Variants in PARD3B observed in about 807,000 individuals in gnomAD.
The protein encoded by PARD3B is partitioning defective 3 homolog B.
PARD3B carries 103 observed loss-of-function variants against 130.2 expected under a neutral mutation model. That is an observed-to-expected ratio of 0.79 (90% CI 0.67 to 0.93). The LOEUF (loss-of-function observed/expected upper bound fraction) is 0.93, where lower values mean the gene tolerates loss of function less well. PARD3B is among the 40% of genes least tolerant of loss of function. The probability of loss-of-function intolerance (pLI) is 0.00; values close to 1 mark genes in which losing one functional copy is unlikely to be tolerated. For missense variants in PARD3B, 1,609 were observed against 1,499.2 expected (o/e 1.07, Z -1.21); for synonymous variants, 583 against 553.2 (o/e 1.05, Z -0.76).
At chr2:205,194,767 C>G (rs560412601) in intron 15 of PARD3B, among the ~76,000 whole-genome samples, 1 of 151,672 alleles carries the variant, frequency 6.6e-6, no homozygotes, top group Non-Finnish European at 1.5e-5. Context: ...TTTTTGTTTA[C>G]ATTTTAATTT....
At chr2:204,962,398 G>T (rs1690821475) in intron 2 of PARD3B, among the ~76,000 whole-genome samples, 2 of 152,194 alleles carry the variant, frequency 1.3e-5, no homozygotes, top group South Asian at 4.2e-4. Context: ...TTTACTCTAA[G>T]CGAAACCTTA....
intron 16 of PARD3B, among the ~76,000 whole-genome samples, chr2:205,296,813 C>T (rs1466160499): frequency 6.6e-6 from 1 of 151,068 alleles, no homozygotes; most frequent in African/African-American, 2.4e-5. Context: ...TATATAGGAC[C>T]ATGTCAAGCT....
intron 2 of PARD3B, among the ~76,000 whole-genome samples, chr2:204,835,646 C>A (rs564442627): frequency 9.8e-5 from 15 of 152,290 alleles, no homozygotes; most frequent in Non-Finnish European, 1.9e-4. Context: ...TGGTCCCCAA[C>A]TTAAAATGGT....
intron 15 of PARD3B, among the ~76,000 whole-genome samples, chr2:205,226,332 G>A (rs896106882): frequency 2.6e-5 from 4 of 152,146 alleles, no homozygotes; most frequent in Admixed American, 2.0e-4. Flanking sequence ...GAGCCACCAC[G>A]CCCGGCCAAA....
chr2:204,701,007 G>T (rs759776129), intron 2 of PARD3B, among the ~76,000 whole-genome samples: 4 of 151,778 alleles, frequency 2.6e-5, no homozygotes, highest in Non-Finnish European at 5.9e-5. Flanking sequence ...TAAAAGTTGG[G>T]CATATAAATT....
chr2:205,193,411 A>G (rs1165443956), intron 15 of PARD3B, 91 bp downstream of exon 15: 112 of 952,402 alleles, frequency 1.2e-4, no homozygotes, highest in Non-Finnish European at 5.0e-6. Context: ...TTCAACTCAA[A>G]CCTCAGGGAA....
At chr2:204,892,787 A>G (rs150554516) in intron 2 of PARD3B, among the ~76,000 whole-genome samples, 4 of 152,320 alleles carry the variant, frequency 2.6e-5, no homozygotes, top group Non-Finnish European at 4.4e-5. Flanking sequence ...TTTCTGTGCA[A>G]CTACAAGAAG....
At chr2:205,083,308 G>C (rs2125518135) in intron 4 of PARD3B, among the ~76,000 whole-genome samples, 1 of 148,242 alleles carries the variant, frequency 6.7e-6, no homozygotes, top group East Asian at 2.0e-4. Flanking sequence ...CATAACCTCA[G>C]TAGCATAAAA....
At chr2:204,867,489 C>T (rs776793556) in intron 2 of PARD3B, among the ~76,000 whole-genome samples, 13 of 152,084 alleles carry the variant, frequency 8.5e-5, no homozygotes, top group South Asian at 4.1e-4. Flanking sequence ...GCATCATCCC[C>T]GAGCACCATT....
chr2:204,921,230 T>A (rs919812255), intron 2 of PARD3B, among the ~76,000 whole-genome samples: 1 of 152,166 alleles, frequency 6.6e-6, no homozygotes, highest in Non-Finnish European at 1.5e-5. Context: ...TGTGAAGAAA[T>A]AAGAATTATT....
At chr2:205,314,930 A>G (rs780414410) in intron 18 of PARD3B, among the ~76,000 whole-genome samples, 18 of 152,158 alleles carry the variant, frequency 1.2e-4, no homozygotes, top group Non-Finnish European at 1.2e-4. Flanking sequence ...CCCTTCCGTC[A>G]GTCAACAATC....
In PARD3B at chr2:205,301,839, C is replaced by G. The variant is rs767672910; in HGVS notation, c.2630+138C>G. 6.6e-6 allele frequency: 9 copies of G among 1,358,242 alleles called. No individual in the cohort carries two copies. The highest frequency in any genetic ancestry group is 9.5e-6 in the Non-Finnish European group (9 of 947,646). 84.1% of individuals were successfully genotyped at this position (1,358,242 alleles called of 1,614,324 possible). On this transcript the variant is annotated intron_variant, in intron 18 of 22. Coordinates refer to ENST00000406610, the MANE Select transcript of PARD3B (RefSeq NM_001302769.2). The surrounding 1 kb of genome is among the most constrained non-coding windows in gnomAD (Gnocchi z 5.2). ...TGCATACGGCTCTCAATTCTGTGCT[C>G]GTTCTCTTTCTGCAGAGGCAGAGGA...
rs552476835 is a variant in PARD3B, at chr2:205,535,644, T to C, written c.3181-17680T>C. Among the ~76,000 whole-genome samples the C allele has an allele frequency of 2.0e-5, 3 of 152,352 alleles. No individual in the cohort carries two copies. In the East Asian group the frequency reaches 5.8e-4, roughly 29 times the overall value. On this transcript the variant is annotated intron_variant, in intron 21 of 22. Transcript: ENST00000406610. ...AATAGCCCACTTAAAGAACAAGGTA[T>C]TGGAAGACATTATCCAGTAAAAGGT...
intron 2 of PARD3B, among the ~76,000 whole-genome samples, chr2:204,737,994 A>G (rs2039834260): frequency 6.6e-6 from 1 of 152,172 alleles, no homozygotes; most frequent in South Asian, 2.1e-4. Context: ...TTCAAAGTCC[A>G]GTCATGTGAT....
chr2:205,374,937 T>C (rs936487853), intron 18 of PARD3B, among the ~76,000 whole-genome samples: 1 of 152,208 alleles, frequency 6.6e-6, no homozygotes, highest in Admixed American at 6.5e-5. Flanking sequence ...ATTAAGAGGT[T>C]AGTTTCATAA....
At chr2:205,412,409 G>A (rs767728078) in intron 19 of PARD3B, among the ~76,000 whole-genome samples, 1 of 152,198 alleles carries the variant, frequency 6.6e-6, no homozygotes, top group Admixed American at 6.5e-5. Flanking sequence ...TTAGATGGAA[G>A]ATATAAGTAT....
chr2:205,213,625 A>G (rs1261173425), intron 15 of PARD3B, among the ~76,000 whole-genome samples: 1 of 152,192 alleles, frequency 6.6e-6, no homozygotes, highest in Non-Finnish European at 1.5e-5. Context: ...TTAAATGACA[A>G]GTGAATAAAA....
chr2:205,273,440 C>G (rs2040819876), intron 16 of PARD3B, among the ~76,000 whole-genome samples: 1 of 152,170 alleles, frequency 6.6e-6, no homozygotes, highest in Non-Finnish European at 1.5e-5. Context: ...TCTTTATAGT[C>G]AGATCAGCTG....
intron 1 of PARD3B, among the ~76,000 whole-genome samples, chr2:204,645,412 AC>A (rs1279018733): frequency 1.3e-5 from 2 of 152,186 alleles, no homozygotes; most frequent in Non-Finnish European, 2.9e-5. Flanking sequence ...AAAAATTAAT[AC>A]ATTTTTATTT....
Sources: gnomAD v4.1 joint callset for allele counts (sites outside exome capture counted in the v4.1 genomes callset) on GRCh38, gnomAD v4.1.1 for gene constraint, Gnocchi (gnomAD v3.1) non-coding constraint, MANE v1.5 for transcripts, NCBI Gene and HGNC (gene_info 2026-07-23, HGNC 2026-07-21) for gene names.